Variants in DNER observed in about 807,000 individuals in gnomAD.
The protein encoded by DNER is delta and Notch-like epidermal growth factor-related receptor.
DNER carries 33 observed loss-of-function variants against 78.2 expected under a neutral mutation model. The ratio of observed to expected loss-of-function variants is 0.42; its 90% confidence interval spans 0.32 to 0.56. The LOEUF is 0.56. Among genes scored for constraint, DNER ranks in the 20% least tolerant of loss-of-function variants. The pLI is 0.11. For missense variants in DNER, 918 were observed against 975.3 expected (o/e 0.94, Z 0.78); for synonymous variants, 417 against 384.8 (o/e 1.08, Z -0.98).
At chr2:229,674,954 T>C (rs1699277634) in intron 1 of DNER, among the ~76,000 whole-genome samples, 1 of 152,188 alleles carries the variant, frequency 6.6e-6, no homozygotes. Flanking sequence ...AGAAGCTACC[T>C]AAGCAAGGAC....
intron 7 of DNER, among the ~76,000 whole-genome samples, chr2:229,471,509 T>A (rs1694924513): frequency 6.6e-6 from 1 of 152,212 alleles, no homozygotes; most frequent in Non-Finnish European, 1.5e-5. Context: ...ACTTGAAACA[T>A]GATGGATTTA....
intron 1 of DNER, among the ~76,000 whole-genome samples, chr2:229,679,316 A>T (rs975031343): frequency 1.3e-5 from 2 of 152,206 alleles, no homozygotes; most frequent in Non-Finnish European, 2.9e-5. Flanking sequence ...CTAAGCAAAA[A>T]GGTATGTAAG....
chr2:229,565,281 T>C (rs560032125), intron 4 of DNER, among the ~76,000 whole-genome samples: 1 of 152,330 alleles, frequency 6.6e-6, no homozygotes, highest in African/African-American at 2.4e-5. Flanking sequence ...TTCAAATCTA[T>C]GAAATGGAAT....
chr2:229,627,133 C>T (rs1460439147), intron 1 of DNER, among the ~76,000 whole-genome samples: 1 of 152,112 alleles, frequency 6.6e-6, no homozygotes, highest in Admixed American at 6.5e-5. Flanking sequence ...ACTTCTAGTC[C>T]CCTTCCAATT....
chr2:229,624,196 G>C (rs796924097), intron 1 of DNER, among the ~76,000 whole-genome samples: 4 of 147,718 alleles, frequency 2.7e-5, no homozygotes, highest in African/African-American at 9.7e-5. Context: ...TCAGGAAAAT[G>C]AAACAGCAGG....
chr2:229,690,879 T>C (rs755913084), intron 1 of DNER, among the ~76,000 whole-genome samples: 9 of 152,238 alleles, frequency 5.9e-5, no homozygotes, highest in Non-Finnish European at 8.8e-5. Context: ...CTGACTGCAA[T>C]TTTTGCTTAT....
intron 6 of DNER, among the ~76,000 whole-genome samples, chr2:229,480,509 T>A (rs897782805): frequency 2.0e-5 from 3 of 152,232 alleles, no homozygotes; most frequent in East Asian, 1.9e-4. Flanking sequence ...AATATTCCCA[T>A]GCACTTAATT....
At chr2:229,661,723 A>C (rs1699013710) in intron 1 of DNER, among the ~76,000 whole-genome samples, 1 of 152,256 alleles carries the variant, frequency 6.6e-6, no homozygotes, top group Admixed American at 6.5e-5. Context: ...CCTTAAAATC[A>C]GAGCAACTAA....
intron 7 of DNER, among the ~76,000 whole-genome samples, chr2:229,458,245 A>G (rs908904891): frequency 1.3e-5 from 2 of 151,708 alleles, no homozygotes; most frequent in African/African-American, 4.8e-5. Context: ...CAGAAAAGGT[A>G]GACTTCAAGA....
chr2:229,435,342 G>A (rs1694100551), intron 8 of DNER, among the ~76,000 whole-genome samples: 1 of 152,256 alleles, frequency 6.6e-6, no homozygotes. Flanking sequence ...GACCACAAAA[G>A]CATGAGTGGG....
At chr2:229,620,800 C>T (rs1698240326) in intron 1 of DNER, among the ~76,000 whole-genome samples, 1 of 152,120 alleles carries the variant, frequency 6.6e-6, no homozygotes, top group Non-Finnish European at 1.5e-5. Context: ...GAAAAAGAGG[C>T]CATTAGGGTG....
chr2:229,639,628 T>C (rs1698583349), intron 1 of DNER, among the ~76,000 whole-genome samples: 1 of 152,184 alleles, frequency 6.6e-6, no homozygotes, highest in Admixed American at 6.5e-5. Flanking sequence ...ATAAAAATAA[T>C]GATTCCTAAA....
At chr2:229,623,319 C>T (rs905638685) in intron 1 of DNER, among the ~76,000 whole-genome samples, 3 of 152,164 alleles carry the variant, frequency 2.0e-5, no homozygotes, top group African/African-American at 7.2e-5. Flanking sequence ...AGCTAATCTC[C>T]ACCCACCTTC....
At chr2:229,527,797 C>T (rs1696236210) in intron 5 of DNER, among the ~76,000 whole-genome samples, 1 of 152,082 alleles carries the variant, frequency 6.6e-6, no homozygotes, top group South Asian at 2.1e-4. Flanking sequence ...TTTTAGAAGA[C>T]CTATGTATCA....
intron 1 of DNER, among the ~76,000 whole-genome samples, chr2:229,596,944 C>T (rs1050002264): frequency 6.6e-6 from 1 of 151,940 alleles, no homozygotes; most frequent in Non-Finnish European, 1.5e-5. Context: ...CATGCACATG[C>T]ATGCACATGC....
chr2:229,469,506 G>A (rs774895370), intron 7 of DNER, among the ~76,000 whole-genome samples: 12 of 152,114 alleles, frequency 7.9e-5, no homozygotes, highest in Non-Finnish European at 1.6e-4. Flanking sequence ...TACTACCCTC[G>A]CTCGATAGAT....
chr2:229,382,790 T>C lies in DNER; in HGVS notation c.1855+5475A>G, dbSNP rs1408759286. 3.3e-5 allele frequency among the ~76,000 whole-genome samples: 5 copies of C among 152,276 alleles called. No individual in the cohort carries two copies. In the East Asian group the frequency reaches 9.7e-4, roughly 30 times the overall value. On this transcript the variant is annotated intron_variant, in intron 11 of 12. Transcript: ENST00000341772. ...ATGTGAAAAGACCAAACCTGTTTGA[T>C]TGGTGTACTTGAAAGTGACGGGGAG...
chr2:229,581,466 G>A (rs1697395953), intron 4 of DNER, among the ~76,000 whole-genome samples: 1 of 152,102 alleles, frequency 6.6e-6, no homozygotes, highest in Non-Finnish European at 1.5e-5. Flanking sequence ...TAACATATTT[G>A]GAAGTAACAT....
At chr2:229,529,090 G>A (rs1023685930) in intron 5 of DNER, among the ~76,000 whole-genome samples, 1 of 152,090 alleles carries the variant, frequency 6.6e-6, no homozygotes, top group African/African-American at 2.4e-5. Context: ...AAATATGGAA[G>A]CCCATACTTC....
Sources: gnomAD v4.1 joint callset for allele counts (sites outside exome capture counted in the v4.1 genomes callset) on GRCh38, gnomAD v4.1.1 for gene constraint, MANE v1.5 for transcripts, NCBI Gene and HGNC (gene_info 2026-07-23, HGNC 2026-07-21) for gene names.